The following LRRTM4 variants were observed in gnomAD, a reference collection of about 807,000 sequenced individuals.
LRRTM4 encodes leucine-rich repeat transmembrane neuronal protein 4.
A neutral mutation model predicts 47.6 loss-of-function variants in LRRTM4; 25 were observed. The ratio of observed to expected loss-of-function variants is 0.53; its 90% confidence interval spans 0.38 to 0.73. The LOEUF is 0.73. LRRTM4 is among the 30% of genes least tolerant of loss of function. LRRTM4 has a pLI of 0.00. For missense variants in LRRTM4, 638 were observed against 713.4 expected, an observed-to-expected ratio of 0.89 and a Z score of 1.20; for synonymous variants, 311 against 269.5, an observed-to-expected ratio of 1.15 and a Z score of -1.51.
intron 3 of LRRTM4, among the ~76,000 whole-genome samples, chr2:76,780,880 C>T (rs1240051897): frequency 6.8e-6 from 1 of 146,372 alleles, no homozygotes; most frequent in African/African-American, 2.4e-5. Context: ...TTTTCCCCGT[C>T]TTTGTGGTTT....
chr2:77,494,800 A>G (rs61357250), intron 3 of LRRTM4, among the ~76,000 whole-genome samples: 6,922 of 151,802 alleles, frequency 0.046, 335 homozygotes, highest in Admixed American at 0.16. Flanking sequence ...GTCCTCCTGC[A>G]TCAATCTCCT....
chr2:76,968,234 AAAC>A (rs1386805760), intron 3 of LRRTM4, among the ~76,000 whole-genome samples: 3 of 149,646 alleles, frequency 2.0e-5, no homozygotes, highest in Non-Finnish European at 4.5e-5. Flanking sequence ...GTGTAAATTA[AAAC>A]AACATTGGAA....
chr2:77,155,157 AT>A (rs1371608949), intron 3 of LRRTM4, among the ~76,000 whole-genome samples: 1 of 152,128 alleles, frequency 6.6e-6, no homozygotes, highest in Admixed American at 6.6e-5. Flanking sequence ...GTACATTTTG[AT>A]TTTAAATACA....
At chr2:77,252,003 C>T (rs1022373867) in intron 3 of LRRTM4, among the ~76,000 whole-genome samples, 3 of 151,916 alleles carry the variant, frequency 2.0e-5, no homozygotes, top group African/African-American at 7.3e-5. Flanking sequence ...TAAAATATTC[C>T]CTACGACTTG....
intron 3 of LRRTM4, among the ~76,000 whole-genome samples, chr2:77,297,003 C>A (rs944243159): frequency 1.3e-5 from 2 of 152,348 alleles, no homozygotes; most frequent in African/African-American, 2.4e-5. Context: ...CGACTCTCAT[C>A]ATGGCTCCCT....
Position 76,847,861 on chromosome 2 carries a change from G to A in LRRTM4, c.1552-98945C>T, listed in dbSNP as rs1239128216. 2.0e-5 allele frequency among the ~76,000 whole-genome samples: 3 copies of A among 152,038 alleles called. 1 individual carries two copies. The South Asian group carries it at 6.2e-4, about 32-fold the overall frequency. On this transcript the variant is annotated intron_variant, in intron 3 of 3. Transcript: ENST00000409884. The stretch of plus-strand genomic sequence containing the variant: ...ATTAATTTACATAAGAAAGTGACAT[G>A]CTAAATCTTCTTCCTTGCATATACA...
intron 3 of LRRTM4, among the ~76,000 whole-genome samples, chr2:77,299,769 A>G (rs565045290): frequency 1.3e-5 from 2 of 152,256 alleles, no homozygotes; most frequent in African/African-American, 4.8e-5. Flanking sequence ...TCAGCCTTTC[A>G]AAGAAAACAT....
intron 3 of LRRTM4, among the ~76,000 whole-genome samples, chr2:77,033,530 A>G (rs1196400838): frequency 6.6e-6 from 1 of 151,914 alleles, no homozygotes; most frequent in Admixed American, 6.6e-5. Flanking sequence ...CCGAATATCA[A>G]TTTTATTGAA....
chr2:77,340,440 C>G (rs919115273), intron 3 of LRRTM4, among the ~76,000 whole-genome samples: 4 of 151,968 alleles, frequency 2.6e-5, no homozygotes, highest in African/African-American at 9.7e-5. Flanking sequence ...GTTTAATACA[C>G]TACGTGGTAC....
chr2:77,157,566 AGT>A (rs1491134799), intron 3 of LRRTM4, among the ~76,000 whole-genome samples: 3 of 152,124 alleles, frequency 2.0e-5, no homozygotes, highest in Non-Finnish European at 4.4e-5. Context: ...GTATGAGTAT[AGT>A]TTTTTTTGAT....
intron 3 of LRRTM4, among the ~76,000 whole-genome samples, chr2:77,135,380 G>A (rs1671907919): frequency 7.2e-5 from 11 of 152,218 alleles, no homozygotes; most frequent in Middle Eastern, 3.4e-3. Flanking sequence ...CATAACCAGG[G>A]TACAGGTACA....
intron 3 of LRRTM4, among the ~76,000 whole-genome samples, chr2:76,948,872 T>C (rs1675409175): frequency 6.6e-6 from 1 of 151,870 alleles, no homozygotes; most frequent in East Asian, 1.9e-4. Flanking sequence ...CTAGATTTTG[T>C]ACATTTTATG....
intron 3 of LRRTM4, among the ~76,000 whole-genome samples, chr2:76,805,907 C>CT (rs1675940442): frequency 6.6e-6 from 1 of 152,108 alleles, no homozygotes; most frequent in South Asian, 2.1e-4. Context: ...GGCACAAGCT[C>CT]TAATAAATCT....
chr2:77,428,127 A>T (rs1675197936), intron 3 of LRRTM4, among the ~76,000 whole-genome samples: 1 of 152,112 alleles, frequency 6.6e-6, no homozygotes, highest in Non-Finnish European at 1.5e-5. Flanking sequence ...GTGAAGAAGG[A>T]TGTGTTTCCT....
At chr2:76,930,365 T>C (rs1205346577) in intron 3 of LRRTM4, among the ~76,000 whole-genome samples, 1 of 152,214 alleles carries the variant, frequency 6.6e-6, no homozygotes, top group Non-Finnish European at 1.5e-5. Flanking sequence ...ATATGGTTAA[T>C]ATCCATCAGC....
At chr2:77,465,101 G>T (rs1384316119) in intron 3 of LRRTM4, among the ~76,000 whole-genome samples, 1 of 151,980 alleles carries the variant, frequency 6.6e-6, no homozygotes, top group Non-Finnish European at 1.5e-5. Flanking sequence ...TTTTATTGAA[G>T]TCCCACACTG....
intron 3 of LRRTM4, among the ~76,000 whole-genome samples, chr2:77,092,131 T>C (rs1455675911): frequency 2.0e-5 from 3 of 152,182 alleles, no homozygotes; most frequent in Non-Finnish European, 4.4e-5. Flanking sequence ...TTCTTCCTCA[T>C]ACCTGACGCA....
intron 3 of LRRTM4, among the ~76,000 whole-genome samples, chr2:76,969,213 G>A (rs567176447): frequency 1.7e-4 from 26 of 152,032 alleles, no homozygotes; most frequent in African/African-American, 6.3e-4. Flanking sequence ...GGTTGCCCAA[G>A]GAGTAATAGC....
chr2:76,873,621 C>T (rs909537797), intron 3 of LRRTM4, among the ~76,000 whole-genome samples: 1 of 150,050 alleles, frequency 6.7e-6, no homozygotes, highest in South Asian at 2.1e-4. Context: ...TGCAGGTAAT[C>T]AGATTAATAC....
Sources: allele counts gnomAD v4.1 joint callset (sites outside exome capture counted in the v4.1 genomes callset), GRCh38; gene constraint gnomAD v4.1.1; transcripts MANE v1.5; gene names NCBI Gene and HGNC (gene_info 2026-07-23, HGNC 2026-07-21).